Variants in DNAH2 observed in about 807,000 individuals in gnomAD.
DNAH2 encodes the protein dynein axonemal heavy chain 2, also known as axonemal beta dynein heavy chain 2.
Under a neutral mutation model 523.5 loss-of-function variants are expected in DNAH2, and 323 were observed. The ratio of observed to expected loss-of-function variants is 0.62; its 90% CI spans 0.56 to 0.68. DNAH2 has a LOEUF of 0.68. Ranked by LOEUF, DNAH2 falls within the 30% of genes least tolerant of loss-of-function variation. The pLI is 0.00. For synonymous variants in DNAH2, 2,093 were observed against 2,177.4 expected (o/e 0.96, Z 1.08); for missense variants, 4,907 against 5,701.5 (o/e 0.86, Z 4.49).
chr17:7,828,645 C>T lies in DNAH2; in HGVS notation c.11854-1655C>T, dbSNP rs1223830594. On this transcript the variant is annotated intron_variant, in intron 77 of 85. Coordinates refer to ENST00000572933, the MANE Select transcript of DNAH2 (RefSeq NM_020877.5). This position sits in a 1 kb window ranked among gnomAD's most constrained non-coding sequence, Gnocchi z 4.1. ...TTTAAATAGAGACAGAGTCTTGTTA[C>T]GTTGCCTGGGTTGGTCTCAAACTCC... Among the ~76,000 whole-genome samples the T allele has an allele frequency of 2.6e-5, 4 of 151,840 alleles. No individual in the cohort carries two copies. Among genetic ancestry groups the T allele is most frequent in the Non-Finnish European group, 5.9e-5 (4 of 67,982 alleles).
At chr17:7,764,309 G>A (rs976737767) in intron 20 of DNAH2, 36 bp downstream of exon 20, 41 of 1,566,276 alleles carry the variant, frequency 2.6e-5, no homozygotes, top group South Asian at 1.6e-4. Context: ...CCTGGGACCC[G>A]TATCAGCAGC....
Position 7,759,534 on chromosome 17 carries a change from A to G in DNAH2, c.2561A>G (p.Asp854Gly). The change falls in exon 16 of 86, where the codon GAT becomes GGT. Residue 854 changes from aspartate (D) to glycine (G), a missense_variant. Physicochemically the swap from Asp to Gly is moderately conservative, Grantham distance 94. Transcript: ENST00000572933. ...LLELSKAINGDGKTSPNPLFQ... is the reference protein window; with the variant it reads ...LLELSKAINGGGKTSPNPLFQ... ...GAACTATCCAAGGCTATCAACGGGGATGGAAAGACCAGCCCAAACCCACTC... is the reference window on the plus strand; with the variant it reads ...GAACTATCCAAGGCTATCAACGGGGGTGGAAAGACCAGCCCAAACCCACTC... 6.2e-7 allele frequency: 1 copy of G among 1,614,210 alleles called. No individual in the cohort carries two copies. The highest frequency in any genetic ancestry group is 8.5e-7 in the Non-Finnish European group (1 of 1,180,032).
chr17:7,798,126 C>G lies in DNAH2; in HGVS notation c.8231-31C>G. 6.4e-7 allele frequency: 1 copy of G among 1,555,512 alleles called. No individual in the cohort carries two copies. Among genetic ancestry groups the G allele is most frequent in the Non-Finnish European group, 8.7e-7 (1 of 1,146,566 alleles). On this transcript the variant is annotated intron_variant, in intron 53 of 85. Coordinates refer to ENST00000572933, the MANE Select transcript of DNAH2 (RefSeq NM_020877.5). The surrounding 1 kb of genome is among the most constrained non-coding windows in gnomAD (Gnocchi z 5.5). ...AGGTCCCCTGAGTTTGCTCAGCCAA[C>G]TCATTACCCTCACACCCACCCCACC...
chr17:7,833,392 C>T lies in DNAH2; in HGVS notation c.13143C>T (p.Cys4381=). 6.2e-7 allele frequency: 1 copy of T among 1,614,118 alleles called. No homozygotes were observed. Reference sequence around the variant, plus strand: ...CCTTTCCCCCAGGCATGTACTCCTGCCCCTGCTATTACTATCCCAACCGGG... The same window carrying T: ...CCTTTCCCCCAGGCATGTACTCCTGTCCCTGCTATTACTATCCCAACCGGG... ...RKKSAKGMYS[C]PCYYYPNRAG... The change falls in exon 86 of 86, where the codon TGC becomes TGT. Residue 4381 remains cysteine, a synonymous_variant. Transcript: ENST00000572933.
Position 7,740,896 on chromosome 17 carries a change from C to T in DNAH2, c.1593C>T (p.Asn531=), listed in dbSNP as rs2075294158. Residue 531 remains asparagine (N), a synonymous_variant, in exon 11 of 86, where the codon AAC becomes AAT. Coordinates refer to ENST00000572933, the MANE Select transcript of DNAH2 (RefSeq NM_020877.5). ...TGGCCCTGGTGAACCGTGAACGGAA[C>T]AAGAAATGGCCAGACCTGGAGCCCT... ...SELALVNRER[N]KKWPDLEPYV... 6.2e-7 allele frequency: 1 copy of T among 1,613,978 alleles called. No individual in the cohort carries two copies. The highest frequency in any genetic ancestry group is 1.1e-5 in the South Asian group (1 of 91,094).
At position 7,763,910 on chromosome 17, in the gene DNAH2, C is replaced by A. The variant is rs1033409230; in HGVS notation, c.3058C>A (p.Leu1020Ile). 51 of 1,614,104 alleles carry A rather than the reference C, an allele frequency of 3.2e-5. No individual in the cohort carries two copies. The Admixed American group carries it at 7.5e-4, about 24-fold the overall frequency. The change falls in exon 19 of 86, where the codon CTC becomes ATC. Residue 1020 changes from leucine to isoleucine, a missense_variant. Leu to Ile is a conservative substitution (Grantham distance 5, BLOSUM62 2). Transcript: ENST00000572933. The part of the protein sequence containing the change: ...IQFVLLDCSH[L>I]KFSLVQHCNE... ...GTTTGTGCTGCTGGACTGTTCGCAC[C>A]TCAAGTTCTCCCTGGTGCAGCACTG... is the stretch of plus-strand genomic sequence containing the variant.
rs2076757028 is a variant in DNAH2, at chr17:7,787,012, G to A, written c.6582G>A (p.Glu2194=). ...AGGTGTTGACCCTCATCAACGGCGA[G>A]CGCATCGCGATGCCCGAGCAGGTCA... ...DNKVLTLING[E]RIAMPEQVSL... is the part of the protein sequence containing the mutation. The change falls in exon 42 of 86, where the codon GAG becomes GAA. Residue 2194 remains glutamate (E), a synonymous_variant. Coordinates refer to ENST00000572933, the MANE Select transcript of DNAH2 (RefSeq NM_020877.5). 5 of 1,614,162 alleles carry A rather than the reference G, an allele frequency of 3.1e-6. No individual in the cohort carries two copies. The South Asian group carries it at 5.5e-5, about 18-fold the overall frequency.
chr17:7,831,393 C>G lies in DNAH2; in HGVS notation c.12463C>G (p.Leu4155Val). 1 of 1,614,162 alleles carries G rather than the reference C, an allele frequency of 6.2e-7. No homozygotes were observed. The highest frequency in any genetic ancestry group is 8.5e-7 in the Non-Finnish European group (1 of 1,180,034). The change falls in exon 81 of 86, where the codon CTT becomes GTT. Residue 4155 changes from leucine (L) to valine (V), a missense_variant. By Grantham distance (32) the Leu-to-Val change is conservative (BLOSUM62 1). This residue lies in a region of DNAH2 where 1,851 missense variants were observed against 2,139.4 expected (regional missense o/e 0.87). Coordinates refer to ENST00000572933, the MANE Select transcript of DNAH2 (RefSeq NM_020877.5). This position sits in a 1 kb window ranked among gnomAD's most constrained non-coding sequence, Gnocchi z 4.2. Reference sequence around the variant, plus strand: ...TCAAGAGCTCCTGCCTGCTCAGGTCCTTGAGTTGGCCGCTGATGTGAAGCA... The same window carrying G: ...TCAAGAGCTCCTGCCTGCTCAGGTCGTTGAGTTGGCCGCTGATGTGAAGCA... ...AGGQTREEKV[L>V]ELAADVKQKI...
At chr17:7,763,156 A>G (rs2076054312) in intron 18 of DNAH2, among the ~76,000 whole-genome samples, 1 of 146,958 alleles carries the variant, frequency 6.8e-6, no homozygotes, top group Non-Finnish European at 1.5e-5. Context: ...TTGTATATTT[A>G]TTTATTTATT....
chr17:7,755,609 A>G (rs1397117554), intron 12 of DNAH2, among the ~76,000 whole-genome samples: 1 of 152,052 alleles, frequency 6.6e-6, no homozygotes, highest in African/African-American at 2.4e-5. Context: ...CAATGCTGGG[A>G]TGCAGGGGAG....
At chr17:7,758,020 G>A (rs150190782) in intron 13 of DNAH2, among the ~76,000 whole-genome samples, 17 of 152,300 alleles carry the variant, frequency 1.1e-4, no homozygotes, top group African/African-American at 2.4e-4. Flanking sequence ...ACATTCAGAC[G>A]ATAGCAGGAA....
intron 21 of DNAH2, 141 bp downstream of exon 21, chr17:7,765,706 G>A: frequency 1.1e-6 from 1 of 896,558 alleles, no homozygotes; most frequent in Non-Finnish European, 1.7e-6. Flanking sequence ...CCACTCAGGA[G>A]CAAAGGAGGA....
At chr17:7,794,437 A>C in intron 49 of DNAH2, 79 bp downstream of exon 49, 1 of 1,327,104 alleles carries the variant, frequency 7.5e-7, no homozygotes, top group South Asian at 1.4e-5. Flanking sequence ...CAGGGGCCAG[A>C]TCCCAGGGGG....
chr17:7,780,913 G>C lies in DNAH2; in HGVS notation c.6004-129G>C. The C allele has an allele frequency of 6.3e-7, 1 of 1,580,832 alleles. No individual in the cohort carries two copies. Among genetic ancestry groups the C allele is most frequent in the Non-Finnish European group, 8.6e-7 (1 of 1,160,266 alleles). ...CCTTCCCACCTCGTCCCATCCCCGT[G>C]TTGCCCGCTGCTTTGCTAATGGCTA... On this transcript the variant is annotated intron_variant, in intron 38 of 85. Transcript: ENST00000572933. The surrounding 1 kb of genome is among the most constrained non-coding windows in gnomAD (Gnocchi z 4.4).
chr17:7,807,936 CAA>C lies in DNAH2; in HGVS notation c.9729+351_9729+352del, dbSNP rs1367966937. Among the ~76,000 whole-genome samples, 1 of 152,158 alleles carries C rather than the reference CAA, an allele frequency of 6.6e-6. No individual in the cohort carries two copies. The highest frequency in any genetic ancestry group is 2.4e-5 in the African/African-American group (1 of 41,430). ...ATTGGTCTTTGCCAGAGGGATGGGT[CAA>C]GAGTGTCTGTGTCGCTTCTGTGGAC... On this transcript the variant is annotated intron_variant, in intron 63 of 85. Coordinates refer to ENST00000572933, the MANE Select transcript of DNAH2 (RefSeq NM_020877.5). This position sits in a 1 kb window ranked among gnomAD's most constrained non-coding sequence, Gnocchi z 5.6.
intron 42 of DNAH2, chr17:7,787,245 C>T (rs920335091): frequency 4.6e-6 from 3 of 653,238 alleles, no homozygotes; most frequent in Non-Finnish European, 7.7e-6. Flanking sequence ...AAAACACCCT[C>T]TGTTGTAAGC....
In DNAH2 at chr17:7,786,071, C is replaced by G. The variant is rs986820917; in HGVS notation, c.6130-53C>G. The G allele has an allele frequency of 1.3e-5, 21 of 1,595,046 alleles. No homozygotes were observed. The highest frequency in any genetic ancestry group is 4.4e-5 in the South Asian group (4 of 89,910). ...TGGCACCGGGGAGATTTTGAAAGCC[C>G]TTTAAAGGCCTCATCCTTTTTCTTC... is the stretch of plus-strand genomic sequence containing the variant. On this transcript the variant is annotated intron_variant, in intron 39 of 85. Coordinates refer to ENST00000572933, the MANE Select transcript of DNAH2 (RefSeq NM_020877.5). The surrounding 1 kb of genome is among the most constrained non-coding windows in gnomAD (Gnocchi z 7.5).
intron 46 of DNAH2, 99 bp from the exon 47 acceptor site, chr17:7,792,558 G>A: frequency 9.0e-7 from 1 of 1,116,358 alleles, no homozygotes; most frequent in Non-Finnish European, 1.3e-6. Context: ...CAGGAGGGCA[G>A]GGTGCTGATG....
chr17:7,743,222 C>T (rs910778005), intron 12 of DNAH2, 80 bp downstream of exon 12: 1 of 1,346,638 alleles, frequency 7.4e-7, no homozygotes, highest in Admixed American at 1.8e-5. Flanking sequence ...TCTTTTGACT[C>T]CTCTCTTCAT....
Sources: allele counts gnomAD v4.1 joint callset (sites outside exome capture counted in the v4.1 genomes callset), GRCh38; gene constraint gnomAD v4.1.1; regional missense constraint gnomAD v4.1.1; non-coding constraint Gnocchi (gnomAD v3.1); transcripts MANE v1.5; gene names NCBI Gene and HGNC (gene_info 2026-07-23, HGNC 2026-07-21).